The following CCDC40 variants were observed in gnomAD, a reference collection of about 807,000 sequenced individuals.
The protein encoded by CCDC40 is coiled-coil domain-containing protein 40.
CCDC40 carries 104 observed loss-of-function variants against 124.5 expected under a neutral mutation model. The observed-to-expected ratio is 0.84, with a 90% CI of 0.71 to 0.98. The LOEUF is 0.98. CCDC40 is among the 50% of genes least tolerant of loss of function. CCDC40 has a pLI of 0.00. For missense variants in CCDC40, 1,463 were observed against 1,503.9 expected (o/e 0.97, Z 0.45); for synonymous variants, 580 against 602.9 (o/e 0.96, Z 0.56).
In CCDC40 at chr17:80,050,159, G is replaced by GTCTC; in HGVS notation, c.1035_1036insTCTC (p.Glu346SerfsTer49). 1 of 1,613,706 alleles carries GTCTC rather than the reference G, an allele frequency of 6.2e-7. No homozygotes were observed. The highest frequency in any genetic ancestry group is 8.5e-7 in the Non-Finnish European group (1 of 1,180,012). ...ACCTGGTACACCTGCAGAAGCTGCTGGAGAAGAGTCACGACCGCCACGCAA... is the reference window on the plus strand; with the variant it reads ...ACCTGGTACACCTGCAGAAGCTGCTGTCTCGAGAAGAGTCACGACCGCCACGCAA... On this transcript the variant is annotated frameshift_variant, in exon 7 of 20. Transcript: ENST00000397545. LOFTEE classifies it high-confidence loss of function.
At position 80,047,309 on chromosome 17, in the gene CCDC40, G is replaced by T. The variant is rs1187238533; in HGVS notation, c.583G>T (p.Val195Leu). Residue 195 changes from valine (V) to leucine (L), a missense_variant, in exon 4 of 20, where the codon GTG (valine) becomes TTG (leucine). Val to Leu is a conservative substitution (Grantham distance 32, BLOSUM62 1). Transcript: ENST00000397545. ...ATCCACAGAGGAGCCCCAGGGGCAG[G>T]TGCTCCCAATGGGCGTCCAGCACCG... is the stretch of plus-strand genomic sequence containing the variant. ...TGSTEEPQGQVLPMGVQHRFR... is the reference protein window; with the variant it reads ...TGSTEEPQGQLLPMGVQHRFR... 1 of 1,613,948 alleles carries T rather than the reference G, an allele frequency of 6.2e-7. No individual in the cohort carries two copies. The highest frequency in any genetic ancestry group is 1.7e-5 in the Admixed American group (1 of 60,016).
chr17:80,095,925 C>T (rs752180291), intron 18 of CCDC40, among the ~76,000 whole-genome samples: 6 of 152,200 alleles, frequency 3.9e-5, no homozygotes, highest in Non-Finnish European at 7.4e-5. Flanking sequence ...GTGGGCGCCT[C>T]GAGAGCCTGC....
intron 10 of CCDC40, among the ~76,000 whole-genome samples, chr17:80,071,900 G>A (rs143100682): frequency 0.017 from 2,528 of 144,834 alleles, 50 homozygotes; most frequent in East Asian, 0.091. Context: ...GCAATGGTGC[G>A]ATCTCAGCTC....
Position 80,089,871 on chromosome 17 carries a change from T to C in CCDC40, c.2819T>C (p.Ile940Thr), listed in dbSNP as rs1314533027. ...QTEIRAMKGE[I>T]HRMKVRLGQL... ...GAGATCCGGGCCATGAAGGGCGAGA[T>C]CCACAGGATGAAGGTGAGGGGAGGA... Residue 940 changes from isoleucine to threonine, a missense_variant, in exon 17 of 20, where the codon ATC (isoleucine) becomes ACC (threonine). Coordinates refer to ENST00000397545, the MANE Select transcript of CCDC40 (RefSeq NM_017950.4). 3 of 1,614,042 alleles carry C rather than the reference T, an allele frequency of 1.9e-6. No individual in the cohort carries two copies. Among genetic ancestry groups the C allele is most frequent in the Non-Finnish European group, 2.5e-6 (3 of 1,180,040 alleles).
chr17:80,084,652 A>T, intron 12 of CCDC40, 91 bp from the exon 13 acceptor site: 1 of 1,485,496 alleles, frequency 6.7e-7, no homozygotes, highest in Non-Finnish European at 9.3e-7. Context: ...CCAGAGGAAC[A>T]TCCCGACCGT....
chr17:80,085,994 C>G lies in CCDC40; in HGVS notation c.2236-9C>G. 1 of 1,613,404 alleles carries G rather than the reference C, an allele frequency of 6.2e-7. No individual in the cohort carries two copies. On this transcript the variant is annotated splice_polypyrimidine_tract_variant and intron_variant, in intron 13 of 19. Coordinates refer to ENST00000397545, the MANE Select transcript of CCDC40 (RefSeq NM_017950.4). ...CCTAATTTTGCTTTTTGATGAATAT[C>G]CGGTCTAGGGGGAAGAAGTGGGGCC... is the stretch of plus-strand genomic sequence containing the variant.
At chr17:80,051,861 C>A (rs1249700381) in intron 7 of CCDC40, among the ~76,000 whole-genome samples, 1 of 152,222 alleles carries the variant, frequency 6.6e-6, no homozygotes, top group Non-Finnish European at 1.5e-5. Context: ...CCCTCCGGCT[C>A]CCCTCTGCTA....
chr17:80,090,328 CAGGCACGTGCACGAACAAGGGACGCGCG>C, intron 17 of CCDC40: 2 of 681,668 alleles, frequency 2.9e-6, no homozygotes, highest in Non-Finnish European at 4.4e-6. Flanking sequence ...GGGACGCGCG[CAGGCACGTGCACGAACAAGGGACGCGCG>C]CAGGCACGTG....
chr17:80,097,197 C>T lies in CCDC40; in HGVS notation c.3022-48C>T, dbSNP rs72849388. The T allele has an allele frequency of 0.14, 232,711 of 1,606,962 alleles. 18,638 individuals carry two copies. Among genetic ancestry groups the T allele is most frequent in the African/African-American group, 0.29 (21,360 of 74,846 alleles). ...CCCAGCCTGACTCTTCCCTGTCCGC[C>T]AAGTAGCCGGGCTGCAGGGGCCCAG... On this transcript the variant is annotated intron_variant, in intron 18 of 19. Transcript: ENST00000397545.
chr17:80,050,911 G>C lies in CCDC40; in HGVS notation c.1159+628G>C, dbSNP rs988427569. Among the ~76,000 whole-genome samples the C allele has an allele frequency of 3.3e-5, 5 of 152,312 alleles. No homozygotes were observed. The East Asian group carries it at 5.8e-4, about 18-fold the overall frequency. ...CCGGGGGTGATGGAGGGTTTCAATA[G>C]ATGCGAATGCGAGGGTGAGGCCGGC... On this transcript the variant is annotated intron_variant, in intron 7 of 19. Coordinates refer to ENST00000397545, the MANE Select transcript of CCDC40 (RefSeq NM_017950.4).
intron 10 of CCDC40, among the ~76,000 whole-genome samples, chr17:80,076,410 C>CA (rs1329451519): frequency 6.6e-6 from 1 of 151,858 alleles, no homozygotes; most frequent in Non-Finnish European, 1.5e-5. Flanking sequence ...CTCATTTCTA[C>CA]AAAAAATACA....
intron 2 of CCDC40, among the ~76,000 whole-genome samples, chr17:80,038,569 G>A (rs113396249): frequency 0.058 from 8,819 of 152,144 alleles, 799 homozygotes; most frequent in African/African-American, 0.2. Flanking sequence ...ACTCACGCCT[G>A]TAATTCCAGC....
intron 19 of CCDC40, 137 bp from the exon 20 acceptor site, chr17:80,099,390 C>T (rs999725611): frequency 2.0e-6 from 2 of 990,250 alleles, no homozygotes; most frequent in African/African-American, 1.6e-5. Flanking sequence ...AGGGGCGCAA[C>T]ACCTTCACGC....
Position 80,063,234 on chromosome 17 carries a change from A to G in CCDC40, c.1441-2251A>G, listed in dbSNP as rs375107230. Among the ~76,000 whole-genome samples, 7 of 152,142 alleles carry G rather than the reference A, an allele frequency of 4.6e-5. No individual in the cohort carries two copies. In the East Asian group the frequency reaches 1.4e-3, roughly 29 times the overall value. On this transcript the variant is annotated intron_variant, in intron 9 of 19. Transcript: ENST00000397545. Reference sequence around the variant, plus strand: ...TAGGAGATTATGAAACAATATATAGAATTTGATTTCGCACACACACACAAT... The same window carrying G: ...TAGGAGATTATGAAACAATATATAGGATTTGATTTCGCACACACACACAAT...
chr17:80,056,000 A>ATTTTTT (rs1285051283), intron 7 of CCDC40, among the ~76,000 whole-genome samples: 108 of 7,550 alleles, frequency 0.014, 17 homozygotes, highest in Non-Finnish European at 0.03. Context: ...ATATATATAT[A>ATTTTTT]TATATATATA....
At chr17:80,042,459 A>G (rs1219366705) in intron 3 of CCDC40, among the ~76,000 whole-genome samples, 1 of 152,100 alleles carries the variant, frequency 6.6e-6, no homozygotes, top group Non-Finnish European at 1.5e-5. Context: ...ATGGTTTCCA[A>G]TTGTCTGTGG....
At chr17:80,055,019 A>T (rs927917685) in intron 7 of CCDC40, among the ~76,000 whole-genome samples, 21 of 146,622 alleles carry the variant, frequency 1.4e-4, no homozygotes, top group African/African-American at 5.4e-4. Context: ...ATACAAGGAT[A>T]AAAAAAAAAG....
chr17:80,060,485 G>A (rs112787984), intron 9 of CCDC40, among the ~76,000 whole-genome samples: 38 of 151,192 alleles, frequency 2.5e-4, no homozygotes, highest in Non-Finnish European at 4.9e-4. Context: ...ACTTAAGCCC[G>A]GGAGGTCAAA....
At chr17:80,097,950 G>GAAAA (rs869056587) in intron 19 of CCDC40, 1 of 145,960 alleles carries the variant, frequency 6.9e-6, no homozygotes. Context: ...GAAAAGAAAA[G>GAAAA]AAAAAGGGAA....
Sources: gnomAD v4.1 joint callset for allele counts (sites outside exome capture counted in the v4.1 genomes callset) on GRCh38, gnomAD v4.1.1 for gene constraint, MANE v1.5 for transcripts, NCBI Gene and HGNC (gene_info 2026-07-23, HGNC 2026-07-21) for gene names.